EPC2: variants seen among roughly 807,000 people sequenced by gnomAD.
EPC2 encodes enhancer of polycomb homolog 2.
A neutral mutation model predicts 92.1 loss-of-function variants in EPC2; 14 were observed. The observed-to-expected ratio is 0.15, with a 90% CI of 0.10 to 0.24. The LOEUF is 0.24. EPC2 is among the 10% of genes least tolerant of loss of function. The probability of loss-of-function intolerance (pLI) is 1.00; values close to 1 mark genes in which losing one functional copy is unlikely to be tolerated. For synonymous variants in EPC2, 340 were observed against 334.7 expected (o/e 1.02, Z -0.17); for missense variants, 755 against 971.5 (o/e 0.78, Z 2.96).
intron 10 of EPC2, among the ~76,000 whole-genome samples, chr2:148,774,446 GC>G (rs1683582777): frequency 6.6e-6 from 1 of 151,346 alleles, no homozygotes; most frequent in African/African-American, 2.4e-5. Context: ...GGGCAACATG[GC>G]AAAACCCGGT....
chr2:148,712,425 A>G (rs1682165370), intron 2 of EPC2, among the ~76,000 whole-genome samples: 1 of 151,988 alleles, frequency 6.6e-6, no homozygotes, highest in Non-Finnish European at 1.5e-5. Flanking sequence ...ACAGACACAC[A>G]CACAGACAAT....
chr2:148,723,391 G>A (rs776523674), intron 2 of EPC2, among the ~76,000 whole-genome samples: 1 of 152,134 alleles, frequency 6.6e-6, no homozygotes, highest in Non-Finnish European at 1.5e-5. Flanking sequence ...TGAGATGCCT[G>A]GATTTTTAAT....
At chr2:148,666,468 T>G (rs1051503397) in intron 1 of EPC2, among the ~76,000 whole-genome samples, 2 of 152,228 alleles carry the variant, frequency 1.3e-5, no homozygotes, top group African/African-American at 4.8e-5. Flanking sequence ...AAAAAAATTT[T>G]TAATTTATTG....
At chr2:148,671,380 G>A (rs1001909436) in intron 1 of EPC2, among the ~76,000 whole-genome samples, 5 of 150,250 alleles carry the variant, frequency 3.3e-5, no homozygotes, top group Non-Finnish European at 7.4e-5. Context: ...TTGGGAGGCC[G>A]AGGCAGGCGG....
At chr2:148,658,236 C>T (rs1234131720) in intron 1 of EPC2, among the ~76,000 whole-genome samples, 2 of 152,096 alleles carry the variant, frequency 1.3e-5, no homozygotes, top group African/African-American at 4.8e-5. Flanking sequence ...TTATGTTACA[C>T]ATGTATTTTC....
At chr2:148,676,634 C>T (rs1287929704) in intron 1 of EPC2, among the ~76,000 whole-genome samples, 3 of 151,478 alleles carry the variant, frequency 2.0e-5, no homozygotes, top group African/African-American at 7.3e-5. Context: ...TTATAACCTG[C>T]TTGTTTACTT....
intron 1 of EPC2, among the ~76,000 whole-genome samples, chr2:148,657,123 G>A (rs557452529): frequency 1.2e-4 from 19 of 152,020 alleles, no homozygotes; most frequent in African/African-American, 3.9e-4. Context: ...GGGCAAAATT[G>A]TATTATAAAC....
intron 2 of EPC2, among the ~76,000 whole-genome samples, chr2:148,715,125 C>A (rs1682232115): frequency 6.6e-6 from 1 of 151,412 alleles, no homozygotes; most frequent in African/African-American, 2.4e-5. Context: ...GCTCCGCCTC[C>A]CAGGTTCACA....
intron 2 of EPC2, among the ~76,000 whole-genome samples, chr2:148,731,489 G>A (rs147095492): frequency 3.3e-5 from 5 of 152,172 alleles, no homozygotes; most frequent in African/African-American, 1.2e-4. Context: ...TACAACCTCC[G>A]CCTCCGGGGT....
intron 10 of EPC2, 69 bp from the exon 11 acceptor site, chr2:148,781,575 C>G (rs1027770349): frequency 4.3e-6 from 6 of 1,400,528 alleles, no homozygotes; most frequent in Non-Finnish European, 5.9e-6. Flanking sequence ...AAGTTTATAT[C>G]ATATTCTGCT....
intron 2 of EPC2, among the ~76,000 whole-genome samples, chr2:148,701,810 T>A (rs1295135337): frequency 1.3e-5 from 2 of 152,166 alleles, no homozygotes; most frequent in African/African-American, 4.8e-5. Flanking sequence ...TTGATAAAAT[T>A]TCTTTCCTAA....
At chr2:148,645,968 T>C (rs1683790726) in intron 1 of EPC2, among the ~76,000 whole-genome samples, 1 of 152,238 alleles carries the variant, frequency 6.6e-6, no homozygotes, top group Non-Finnish European at 1.5e-5. Flanking sequence ...TGCATCTAAA[T>C]TGGCAGTTGT....
At chr2:148,701,405 T>G (rs1486253473) in intron 2 of EPC2, among the ~76,000 whole-genome samples, 1 of 152,212 alleles carries the variant, frequency 6.6e-6, no homozygotes, top group Non-Finnish European at 1.5e-5. Context: ...TCTGTAAAAG[T>G]TCTTTATCAA....
intron 2 of EPC2, among the ~76,000 whole-genome samples, chr2:148,720,522 C>T (rs995438224): frequency 1.3e-5 from 2 of 152,136 alleles, no homozygotes; most frequent in African/African-American, 4.8e-5. Context: ...TTGGAGATCC[C>T]GGTACTGGAG....
chr2:148,711,477 T>G (rs1438166845), intron 2 of EPC2, among the ~76,000 whole-genome samples: 2 of 152,168 alleles, frequency 1.3e-5, no homozygotes, highest in Non-Finnish European at 2.9e-5. Flanking sequence ...CTCATAAAAT[T>G]TATTATTTTT....
At chr2:148,735,728 A>G (rs151316655) in intron 2 of EPC2, among the ~76,000 whole-genome samples, 1 of 152,138 alleles carries the variant, frequency 6.6e-6, no homozygotes, top group East Asian at 1.9e-4. Context: ...ATTAATATGT[A>G]ATAATACTGT....
At chr2:148,715,079 G>T (rs529601249) in intron 2 of EPC2, among the ~76,000 whole-genome samples, 1 of 135,522 alleles carries the variant, frequency 7.4e-6, no homozygotes, top group Non-Finnish European at 1.5e-5. Context: ...TGTTGCCTAG[G>T]CTGAAGTGCA....
In EPC2 at chr2:148,709,944, A is replaced by C. The variant is rs540144201; in HGVS notation, c.313+19571A>C. On this transcript the variant is annotated intron_variant, in intron 2 of 13. Coordinates refer to ENST00000258484, the MANE Select transcript of EPC2 (RefSeq NM_015630.4). ...TTCAGGACATAGGCATGGACAAGGA[A>C]TTCATGACTAAAACACCAAAAGCAA... is the stretch of plus-strand genomic sequence containing the variant. Among the ~76,000 whole-genome samples the C allele has an allele frequency of 7.2e-5, 11 of 152,284 alleles. No individual in the cohort carries two copies. The South Asian group carries it at 2.1e-3, about 29-fold the overall frequency.
At chr2:148,728,104 C>T (rs75746102) in intron 2 of EPC2, among the ~76,000 whole-genome samples, 3,827 of 152,260 alleles carry the variant, frequency 0.025, 56 homozygotes, top group East Asian at 0.032. Context: ...ATCCTCCTGC[C>T]TGAGCCTCCC....
Sources: allele counts gnomAD v4.1 joint callset (sites outside exome capture counted in the v4.1 genomes callset), GRCh38; gene constraint gnomAD v4.1.1; transcripts MANE v1.5; gene names NCBI Gene and HGNC (gene_info 2026-07-23, HGNC 2026-07-21).